Variants in SPOCK1 observed in about 807,000 individuals in gnomAD.
SPOCK1 encodes testican-1.
In SPOCK1, 23 loss-of-function variants were observed where a neutral mutation model predicts 55.3. That is an observed-to-expected ratio of 0.42 (90% CI 0.30 to 0.59). The LOEUF (loss-of-function observed/expected upper bound fraction) is 0.59. SPOCK1 is among the 20% of genes least tolerant of loss of function. The pLI, the probability that SPOCK1 is intolerant of heterozygous loss-of-function variation, is 0.22. For missense variants in SPOCK1, 499 were observed against 552.5 expected, an observed-to-expected ratio of 0.90 and a Z score of 0.97; for synonymous variants, 226 against 221.0, an observed-to-expected ratio of 1.02 and a Z score of -0.20.
At chr5:137,274,514 A>G (rs1296458345) in intron 2 of SPOCK1, among the ~76,000 whole-genome samples, 2 of 152,246 alleles carry the variant, frequency 1.3e-5, no homozygotes, top group Non-Finnish European at 2.9e-5. Context: ...AGTGCTTGGT[A>G]TGATATCTGG....
At chr5:137,148,168 G>C (rs1407649551) in intron 3 of SPOCK1, among the ~76,000 whole-genome samples, 3 of 152,274 alleles carry the variant, frequency 2.0e-5, no homozygotes, top group African/African-American at 4.8e-5. Flanking sequence ...CCAGGGTCCA[G>C]AGCAGGTGTC....
intron 2 of SPOCK1, among the ~76,000 whole-genome samples, chr5:137,396,360 T>C (rs544544319): frequency 6.6e-6 from 1 of 152,358 alleles, no homozygotes; most frequent in Admixed American, 6.5e-5. Context: ...TATACATATA[T>C]TTTTATTTAA....
chr5:137,315,583 C>T (rs1456044166), intron 2 of SPOCK1, among the ~76,000 whole-genome samples: 1 of 152,176 alleles, frequency 6.6e-6, no homozygotes, highest in Non-Finnish European at 1.5e-5. Flanking sequence ...CAGAGCACAT[C>T]GAGTGGCCTC....
chr5:137,171,218 C>T (rs1261597163), intron 3 of SPOCK1, among the ~76,000 whole-genome samples: 1 of 152,176 alleles, frequency 6.6e-6, no homozygotes, highest in Non-Finnish European at 1.5e-5. Context: ...CGCCTCTGAA[C>T]TCACGCTCTT....
intron 3 of SPOCK1, among the ~76,000 whole-genome samples, chr5:137,233,689 T>A (rs1257475405): frequency 6.6e-6 from 1 of 150,594 alleles, no homozygotes; most frequent in Admixed American, 6.6e-5. Context: ...TTTCACATAT[T>A]CATTGTTAGT....
intron 3 of SPOCK1, among the ~76,000 whole-genome samples, chr5:137,227,057 A>G (rs926802377): frequency 6.6e-6 from 1 of 152,230 alleles, no homozygotes; most frequent in African/African-American, 2.4e-5. Flanking sequence ...GATTTCTAAC[A>G]AGGGATTTGT....
chr5:136,981,556 T>G (rs910965191), intron 9 of SPOCK1, among the ~76,000 whole-genome samples: 4 of 152,232 alleles, frequency 2.6e-5, no homozygotes, highest in Non-Finnish European at 5.9e-5. Flanking sequence ...AGATTTTTCT[T>G]TCTTCATCTT....
chr5:137,298,957 T>C (rs1305136950), intron 2 of SPOCK1, among the ~76,000 whole-genome samples: 1 of 152,206 alleles, frequency 6.6e-6, no homozygotes, highest in Non-Finnish European at 1.5e-5. Flanking sequence ...TTCTGATTTT[T>C]ACATGAATGT....
chr5:137,426,376 C>T (rs141074605), intron 2 of SPOCK1, among the ~76,000 whole-genome samples: 135 of 152,316 alleles, frequency 8.9e-4, no homozygotes, highest in African/African-American at 3.0e-3. Context: ...CCAATGTGAA[C>T]GCACACCTTT....
chr5:137,212,446 T>A (rs1671884160), intron 3 of SPOCK1, among the ~76,000 whole-genome samples: 1 of 152,176 alleles, frequency 6.6e-6, no homozygotes. Flanking sequence ...TTTCTTAGAA[T>A]CCCTTTAAAC....
intron 4 of SPOCK1, among the ~76,000 whole-genome samples, chr5:137,116,236 C>T (rs1428918160): frequency 6.6e-6 from 1 of 152,220 alleles, no homozygotes; most frequent in African/African-American, 2.4e-5. Context: ...TTTTGTTCAA[C>T]TGTATATTCT....
At chr5:137,453,597 T>C (rs1211106572) in intron 2 of SPOCK1, among the ~76,000 whole-genome samples, 1 of 152,168 alleles carries the variant, frequency 6.6e-6, no homozygotes, top group African/African-American at 2.4e-5. Context: ...GAGCGCTAAT[T>C]TCAGGGAGCA....
intron 2 of SPOCK1, among the ~76,000 whole-genome samples, chr5:137,289,501 C>CT (rs1252430576): frequency 2.6e-5 from 4 of 152,118 alleles, no homozygotes; most frequent in African/African-American, 7.2e-5. Flanking sequence ...GAAAGTGGTA[C>CT]TTTTTTATCA....
chr5:137,315,725 T>C (rs145195580), intron 2 of SPOCK1, among the ~76,000 whole-genome samples: 127 of 152,312 alleles, frequency 8.3e-4, no homozygotes, highest in African/African-American at 3.1e-3. Context: ...TCCCACTGTG[T>C]CCAGCACTAG....
intron 2 of SPOCK1, among the ~76,000 whole-genome samples, chr5:137,276,228 G>A (rs1398465566): frequency 6.6e-6 from 1 of 152,156 alleles, no homozygotes; most frequent in Non-Finnish European, 1.5e-5. Flanking sequence ...TGCTCTCTTC[G>A]TTCCCCAAAA....
At chr5:137,025,291 C>T (rs1466109536) in intron 6 of SPOCK1, among the ~76,000 whole-genome samples, 1 of 151,984 alleles carries the variant, frequency 6.6e-6, no homozygotes, top group Non-Finnish European at 1.5e-5. Flanking sequence ...TGTGATGCTG[C>T]CAGAGCACAA....
chr5:137,098,667 A>C (rs1753201554), intron 5 of SPOCK1, among the ~76,000 whole-genome samples: 1 of 152,236 alleles, frequency 6.6e-6, no homozygotes, highest in South Asian at 2.1e-4. Context: ...TACATGGCTG[A>C]AAGCTTTGTC....
intron 2 of SPOCK1, among the ~76,000 whole-genome samples, chr5:137,328,740 G>A (rs1758119757): frequency 6.6e-6 from 1 of 152,214 alleles, no homozygotes; most frequent in Admixed American, 6.5e-5. Flanking sequence ...AGAGAGGCTA[G>A]GAGACATGCC....
chr5:137,482,214 G>A (rs1753965080), intron 2 of SPOCK1, among the ~76,000 whole-genome samples: 1 of 152,194 alleles, frequency 6.6e-6, no homozygotes, highest in African/African-American at 2.4e-5. Flanking sequence ...ACCACATAAT[G>A]CTGGACTAAG....
Sources: gnomAD v4.1 joint callset for allele counts (sites outside exome capture counted in the v4.1 genomes callset) on GRCh38, gnomAD v4.1.1 for gene constraint, MANE v1.5 for transcripts, NCBI Gene and HGNC (gene_info 2026-07-23, HGNC 2026-07-21) for gene names.